RANBP2: variants seen among roughly 807,000 people sequenced by gnomAD.
The protein encoded by RANBP2 is RAN binding protein 2, also known as E3 SUMO-protein ligase RanBP2.
In RANBP2, 57 loss-of-function variants were observed where a neutral mutation model predicts 303.6. The ratio of observed to expected loss-of-function variants is 0.19; its 90% confidence interval spans 0.15 to 0.23. The LOEUF is 0.23. Ranked by LOEUF, RANBP2 falls within the 10% of genes least tolerant of loss-of-function variation. RANBP2 has a pLI of 1.00. For synonymous variants in RANBP2, 1,167 were observed against 1,301.5 expected, an observed-to-expected ratio of 0.90 and a Z score of 2.23; for missense variants, 3,138 against 3,780.8, an observed-to-expected ratio of 0.83 and a Z score of 4.46.
At chr2:108,886,354 A>G in the RANBP2 span, among the ~76,000 whole-genome samples, 1 of 152,058 alleles carries the variant, frequency 6.6e-6, no homozygotes, top group Non-Finnish European at 1.5e-5. Context: ...GCATTTTTTC[A>G]TGTATCTGTT....
the RANBP2 span, among the ~76,000 whole-genome samples, chr2:109,547,467 T>C: frequency 6.6e-6 from 1 of 151,924 alleles, no homozygotes. Context: ...TAAATGAGTT[T>C]CAAGAGATTT....
chr2:109,501,946 G>A, the RANBP2 span: 1 of 403,948 alleles, frequency 2.5e-6, no homozygotes, highest in Non-Finnish European at 4.5e-6. Flanking sequence ...AGAGAGGCAG[G>A]TGCCGGCGCA....
the RANBP2 span, chr2:108,791,868 C>T: frequency 1.4e-6 from 2 of 1,450,784 alleles, no homozygotes; most frequent in South Asian, 1.3e-5. Context: ...AATGAAGCTT[C>T]CCTCCTAGTA....
At chr2:109,302,429 A>C in the RANBP2 span, among the ~76,000 whole-genome samples, 1 of 152,234 alleles carries the variant, frequency 6.6e-6, no homozygotes, top group Non-Finnish European at 1.5e-5. Context: ...CTGCCATGCC[A>C]TGGAGGCAGA....
the RANBP2 span, among the ~76,000 whole-genome samples, chr2:109,479,799 G>T: frequency 6.6e-6 from 1 of 152,106 alleles, no homozygotes. Context: ...TACGGGTTTC[G>T]CAGACCCCCA....
chr2:108,985,498 C>T, the RANBP2 span, among the ~76,000 whole-genome samples: 1 of 152,202 alleles, frequency 6.6e-6, no homozygotes, highest in African/African-American at 2.4e-5. Flanking sequence ...TTCCATAGTC[C>T]TCTGTTTTCT....
At chr2:109,555,152 C>T in the RANBP2 span, among the ~76,000 whole-genome samples, 16 of 152,298 alleles carry the variant, frequency 1.1e-4, 1 homozygote, top group East Asian at 1.5e-3. Flanking sequence ...AAACACAGAT[C>T]TCATTATCTT....
the RANBP2 span, among the ~76,000 whole-genome samples, chr2:109,532,417 T>A: frequency 6.6e-6 from 1 of 152,128 alleles, no homozygotes; most frequent in Non-Finnish European, 1.5e-5. Flanking sequence ...CTAAGGTTTA[T>A]AAACCAGATA....
At chr2:108,830,227 A>C in the RANBP2 span, among the ~76,000 whole-genome samples, 1 of 152,204 alleles carries the variant, frequency 6.6e-6, no homozygotes, top group Admixed American at 6.5e-5. Flanking sequence ...ATAGAGACAA[A>C]GTAGAATGGT....
At chr2:108,759,247 A>T (rs1270953978) in intron 18 of RANBP2, among the ~76,000 whole-genome samples, 1 of 152,136 alleles carries the variant, frequency 6.6e-6, no homozygotes, top group Non-Finnish European at 1.5e-5. Flanking sequence ...TTATTTAATT[A>T]CAGTAACTTA....
chr2:108,949,464 T>C, the RANBP2 span, among the ~76,000 whole-genome samples: 1 of 152,224 alleles, frequency 6.6e-6, no homozygotes, highest in Non-Finnish European at 1.5e-5. Context: ...CAGTTGGCTC[T>C]GAATAATATT....
At chr2:108,820,977 T>G in the RANBP2 span, among the ~76,000 whole-genome samples, 47 of 151,576 alleles carry the variant, frequency 3.1e-4, no homozygotes, top group Admixed American at 6.6e-5. Flanking sequence ...GTATGTAAGT[T>G]GATTTTTAAT....
chr2:109,318,907 C>A, the RANBP2 span, among the ~76,000 whole-genome samples: 5 of 152,234 alleles, frequency 3.3e-5, no homozygotes, highest in African/African-American at 1.2e-4. Flanking sequence ...GGTAGGTGAG[C>A]CAAGTGAATT....
At chr2:109,624,763 A>G in the RANBP2 span, among the ~76,000 whole-genome samples, 1 of 152,186 alleles carries the variant, frequency 6.6e-6, no homozygotes, top group Non-Finnish European at 1.5e-5. Flanking sequence ...GTGGCCTTGG[A>G]ACCAGCAGTA....
At chr2:109,541,525 G>A in the RANBP2 span, among the ~76,000 whole-genome samples, 7,094 of 152,242 alleles carry the variant, frequency 0.047, 227 homozygotes, top group Non-Finnish European at 0.073. Context: ...GTGAGGCCAA[G>A]CCTTTCAATG....
At chr2:109,277,090 G>A in the RANBP2 span, among the ~76,000 whole-genome samples, 13 of 152,272 alleles carry the variant, frequency 8.5e-5, no homozygotes, top group African/African-American at 2.2e-4. Context: ...CCACGCCGGC[G>A]GTCCCTCAAC....
chr2:108,867,248 G>A, the RANBP2 span, among the ~76,000 whole-genome samples: 1 of 152,162 alleles, frequency 6.6e-6, no homozygotes, highest in Non-Finnish European at 1.5e-5. Context: ...AGAAGAAGAG[G>A]TGGACACAAG....
chr2:109,445,758 G>A, the RANBP2 span, among the ~76,000 whole-genome samples: 1 of 152,084 alleles, frequency 6.6e-6, no homozygotes, highest in Non-Finnish European at 1.5e-5. Flanking sequence ...AGTAGAGAGG[G>A]GGGTTGGCTT....
At chr2:109,540,778 G>A in the RANBP2 span, among the ~76,000 whole-genome samples, 1 of 128,474 alleles carries the variant, frequency 7.8e-6, no homozygotes, top group Non-Finnish European at 1.6e-5. Flanking sequence ...AACAGCTTGA[G>A]CAACAGAGCA....
Sources: allele counts gnomAD v4.1 joint callset (sites outside exome capture counted in the v4.1 genomes callset), GRCh38; gene constraint gnomAD v4.1.1; transcripts MANE v1.5; gene names NCBI Gene and HGNC (gene_info 2026-07-23, HGNC 2026-07-21).